YBX3: variants seen among roughly 807,000 people sequenced by gnomAD.
The protein encoded by YBX3 is Y-box binding protein 3.
Under a neutral mutation model 42.4 loss-of-function variants are expected in YBX3, and 29 were observed. The observed-to-expected ratio is 0.68, with a 90% CI of 0.51 to 0.93. The LOEUF is 0.93. Ranked by LOEUF, YBX3 falls within the 40% of genes least tolerant of loss-of-function variation. YBX3 has a pLI of 0.00. For synonymous variants in YBX3, 195 were observed against 189.8 expected, an observed-to-expected ratio of 1.03 and a Z score of -0.22; for missense variants, 517 against 527.5, an observed-to-expected ratio of 0.98 and a Z score of 0.19.
Position 10,704,090 on chromosome 12 carries a change from G to A in YBX3, c.839C>T (p.Pro280Leu), listed in dbSNP as rs141479423. 360 of 1,614,122 alleles carry A rather than the reference G, an allele frequency of 2.2e-4. No homozygotes were observed. The highest frequency in any genetic ancestry group is 2.8e-4 in the Non-Finnish European group (330 of 1,180,028). The change falls in exon 7 of 10, where the codon CCG becomes CTG. Residue 280 changes from proline to leucine, a missense_variant. Transcript: ENST00000228251. ...GCGGTAAGTTGGATTTCGATGAACC[G>A]GTCCCTGAAGTTGTGCTCCCTCTGG... ...GVPEGAQLQG[P>L]VHRNPTYRPR...
chr12:10,711,179 T>C (rs1207922539), intron 5 of YBX3: 1 of 152,162 alleles, frequency 6.6e-6, no homozygotes, highest in Non-Finnish European at 1.5e-5. Context: ...AATTATATCA[T>C]ATACTACCAT....
In YBX3 at chr12:10,709,960, C is replaced by G; in HGVS notation, c.728G>C (p.Gly243Ala). The G allele has an allele frequency of 1.2e-6, 2 of 1,614,176 alleles. No individual in the cohort carries two copies. Among genetic ancestry groups the G allele is most frequent in the Non-Finnish European group, 1.7e-6 (2 of 1,180,002 alleles). ...RQRRFPPYHV[G>A]QTFDRRSRVL... ...CCGTGAGCGACGGTCAAAGGTCTGTCCCACGTGGTAAGGCGGGAACCGCCG... is the reference window on the plus strand; with the variant it reads ...CCGTGAGCGACGGTCAAAGGTCTGTGCCACGTGGTAAGGCGGGAACCGCCG... Residue 243 changes from glycine to alanine, a missense_variant, in exon 6 of 10, where the codon GGA becomes GCA. By Grantham distance (60) the Gly-to-Ala change is moderately conservative. Coordinates refer to ENST00000228251, the MANE Select transcript of YBX3 (RefSeq NM_003651.5).
Position 10,710,127 on chromosome 12 carries a change from A to T in YBX3, c.574-13T>A, listed in dbSNP as rs1256619981. ...CCTCCCCAGCGTACTAGCGAAGCAA[A>T]GAAACAGAGATTCAGAAGAAGTTTT... On this transcript the variant is annotated splice_polypyrimidine_tract_variant and intron_variant, in intron 5 of 9. Transcript: ENST00000228251. 2 of 1,610,976 alleles carry T rather than the reference A, an allele frequency of 1.2e-6. No homozygotes were observed. The highest frequency in any genetic ancestry group is 2.2e-5 in the South Asian group (2 of 90,724).
At chr12:10,715,583 A>G in intron 4 of YBX3, 111 bp downstream of exon 4, 2 of 959,418 alleles carry the variant, frequency 2.1e-6, no homozygotes, top group Non-Finnish European at 3.3e-6. Flanking sequence ...ACTTCCTGCT[A>G]TTGTACAAAA....
chr12:10,706,189 A>C (rs961691376), intron 6 of YBX3, among the ~76,000 whole-genome samples: 5 of 152,212 alleles, frequency 3.3e-5, no homozygotes, highest in African/African-American at 1.2e-4. Flanking sequence ...TGATCTGCCC[A>C]TTTAATGGCT....
Position 10,709,944 on chromosome 12 carries a change from A to C in YBX3, c.744T>G (p.Arg248=). Residue 248 remains arginine, a synonymous_variant, in exon 6 of 10, where the codon CGT becomes CGG. Coordinates refer to ENST00000228251, the MANE Select transcript of YBX3 (RefSeq NM_003651.5). ...TGGGATGGGGTAAGACCCGTGAGCG[A>C]CGGTCAAAGGTCTGTCCCACGTGGT... The part of the protein sequence containing the change: ...PPYHVGQTFD[R]RSRVLPHPNR... 1 of 1,614,206 alleles carries C rather than the reference A, an allele frequency of 6.2e-7. No individual in the cohort carries two copies. Among genetic ancestry groups the C allele is most frequent in the Non-Finnish European group, 8.5e-7 (1 of 1,180,040 alleles).
rs1232533981 is a variant in YBX3, at chr12:10,723,223, C to G, written c.-112G>C. The G allele has an allele frequency of 3.4e-6, 4 of 1,163,978 alleles. No homozygotes were observed. Among genetic ancestry groups the G allele is most frequent in the Non-Finnish European group, 4.2e-6 (4 of 944,738 alleles). The allele number at this position is 1,163,978 out of a possible 1,614,324, so 72.1% of individuals were successfully genotyped here. The stretch of plus-strand genomic sequence containing the variant: ...CGCTCTCGGGGAGGCCGGGGCGGAT[C>G]TCGCGGCGCAGGCGGCGGCGGCCGA... On this transcript the variant is annotated 5_prime_UTR_variant, in exon 1 of 10. Transcript: ENST00000228251.
rs553084280 is a variant in YBX3 at position 10,710,894 on chromosome 12, T to C, written c.574-780A>G. 5.6e-5 allele frequency: 9 copies of C among 161,968 alleles called. No individual in the cohort carries two copies. The East Asian group carries it at 1.5e-3, about 26-fold the overall frequency. The allele number at this position is 161,968 out of a possible 1,614,324, so 10.0% of individuals were successfully genotyped here. A position where few individuals can be genotyped will look rare whatever the true frequency, so the allele number is the denominator to read the frequency against. On this transcript the variant is annotated intron_variant, in intron 5 of 9. Coordinates refer to ENST00000228251, the MANE Select transcript of YBX3 (RefSeq NM_003651.5). ...AGTTATTTTTAATCAATTAACATTT[T>C]AAGTTTATTTTACTTTCTAATATAA...
intron 6 of YBX3, chr12:10,704,379 C>CT: frequency 2.6e-6 from 1 of 380,376 alleles, no homozygotes; most frequent in East Asian, 3.9e-5. Flanking sequence ...CCCAGAGCAC[C>CT]TAACTTTATT....
At chr12:10,703,684 T>G (rs1948105921) in intron 7 of YBX3, 1 of 327,584 alleles carries the variant, frequency 3.1e-6, no homozygotes, top group Non-Finnish European at 6.0e-6. Flanking sequence ...TCTACTGGAC[T>G]GCCTCAGTGA....
At chr12:10,710,642 G>A in intron 5 of YBX3, 3 of 1,167,186 alleles carry the variant, frequency 2.6e-6, no homozygotes, top group Non-Finnish European at 3.4e-6. Flanking sequence ...ATATTACTAA[G>A]ATGCTATTTG....
Position 10,713,317 on chromosome 12 carries a change from T to C in YBX3, c.467A>G (p.Asn156Ser), listed in dbSNP as rs748744757. Residue 156 changes from asparagine to serine, a missense_variant, in exon 5 of 10, where the codon AAT becomes AGT. Coordinates refer to ENST00000228251, the MANE Select transcript of YBX3 (RefSeq NM_003651.5). ...VEGEKGAEAA[N>S]VTGPDGVPVE... ...AGGAACTCCATCCGGGCCAGTCACA[T>C]TGGCAGCTTCTGCACCCTGAGAAGA... The C allele has an allele frequency of 8.1e-6, 13 of 1,613,856 alleles. No individual in the cohort carries two copies. Among genetic ancestry groups the C allele is most frequent in the African/African-American group, 2.7e-5 (2 of 74,934 alleles).
intron 4 of YBX3, among the ~76,000 whole-genome samples, chr12:10,714,939 C>A (rs1231140668): frequency 6.6e-6 from 1 of 151,442 alleles, no homozygotes; most frequent in Admixed American, 6.6e-5. Flanking sequence ...TTAGTAGAGA[C>A]GGGTTTCACC....
At chr12:10,713,486 G>A (rs185007362) in intron 4 of YBX3, among the ~76,000 whole-genome samples, 153 bp from the exon 5 acceptor site, 1 of 152,346 alleles carries the variant, frequency 6.6e-6, no homozygotes, top group East Asian at 1.9e-4. Flanking sequence ...AACAAAGTGA[G>A]CAAGGTACTT....
chr12:10,717,522 C>A (rs949328936), intron 3 of YBX3, among the ~76,000 whole-genome samples: 1 of 152,204 alleles, frequency 6.6e-6, no homozygotes, highest in Non-Finnish European at 1.5e-5. Context: ...ATATCTTACC[C>A]ATTTCCTCTA....
chr12:10,700,426 A>G (rs1948065606), intron 9 of YBX3, among the ~76,000 whole-genome samples: 1 of 152,218 alleles, frequency 6.6e-6, no homozygotes, highest in Non-Finnish European at 1.5e-5. Context: ...ACCAAGAAGT[A>G]TAAGAACTAA....
intron 3 of YBX3, 36 bp from the exon 4 acceptor site, chr12:10,715,819 T>A (rs1948255645): frequency 2.6e-6 from 4 of 1,558,696 alleles, no homozygotes; most frequent in Non-Finnish European, 3.5e-6. Flanking sequence ...TCGATGTATA[T>A]TTCAATATTG....
intron 6 of YBX3, among the ~76,000 whole-genome samples, chr12:10,705,078 T>C (rs748520803): frequency 6.6e-6 from 1 of 152,168 alleles, no homozygotes; most frequent in Non-Finnish European, 1.5e-5. Context: ...GTTATATCTT[T>C]TTGTTTGGAG....
At chr12:10,702,267 T>A in intron 7 of YBX3, 133 bp from the exon 8 acceptor site, 1 of 843,580 alleles carries the variant, frequency 1.2e-6, no homozygotes, top group Non-Finnish European at 1.7e-6. Flanking sequence ...ACCCCTGTAA[T>A]CCCAGCACTT....
Sources: gnomAD v4.1 joint callset for allele counts (sites outside exome capture counted in the v4.1 genomes callset) on GRCh38, gnomAD v4.1.1 for gene constraint, MANE v1.5 for transcripts, NCBI Gene and HGNC (gene_info 2026-07-23, HGNC 2026-07-21) for gene names.